MARCHF3: variants seen among roughly 807,000 people sequenced by gnomAD.
MARCHF3 encodes E3 ubiquitin-protein ligase MARCHF3.
Under a neutral mutation model 24.2 loss-of-function variants are expected in MARCHF3, and 13 were observed. The ratio of observed to expected loss-of-function variants is 0.54; its 90% CI spans 0.35 to 0.85. MARCHF3 has a LOEUF of 0.85. MARCHF3 is among the 40% of genes least tolerant of loss of function. The pLI is 0.01. For synonymous variants in MARCHF3, 144 were observed against 137.3 expected (o/e 1.05, Z -0.34); for missense variants, 276 against 325.0 (o/e 0.85, Z 1.16).
At chr5:127,006,040 A>G (rs1269682035) in intron 1 of MARCHF3, among the ~76,000 whole-genome samples, 1 of 151,852 alleles carries the variant, frequency 6.6e-6, no homozygotes, top group Non-Finnish European at 1.5e-5. Context: ...CATCTCTACT[A>G]AGAAATACAA....
chr5:126,899,345 G>A (rs1754028183), intron 3 of MARCHF3: 1 of 979,492 alleles, frequency 1.0e-6, no homozygotes, highest in Non-Finnish European at 1.2e-6. Flanking sequence ...TCCTTTCTGG[G>A]TTGCAAAATA....
chr5:126,994,097 C>A (rs903691086), intron 1 of MARCHF3, among the ~76,000 whole-genome samples: 2 of 152,052 alleles, frequency 1.3e-5, no homozygotes, highest in Admixed American at 1.3e-4. Context: ...TTATAATGAC[C>A]AATATCTGGA....
intron 1 of MARCHF3, among the ~76,000 whole-genome samples, chr5:126,973,720 C>T (rs1243113306): frequency 1.3e-4 from 20 of 152,092 alleles, no homozygotes; most frequent in Admixed American, 2.6e-4. Context: ...GTAAGTTATC[C>T]GTATTAGTAA....
At chr5:126,982,166 G>A (rs769823714) in intron 1 of MARCHF3, among the ~76,000 whole-genome samples, 1 of 152,298 alleles carries the variant, frequency 6.6e-6, no homozygotes, top group African/African-American at 2.4e-5. Context: ...ATTCACTGCT[G>A]TGCTAGAATA....
chr5:126,904,082 C>G (rs1268949283), intron 3 of MARCHF3, among the ~76,000 whole-genome samples: 5 of 150,180 alleles, frequency 3.3e-5, no homozygotes, highest in Non-Finnish European at 7.4e-5. Context: ...TTTGTTCTTG[C>G]GATAGTTTAC....
At chr5:126,957,607 C>G (rs1750493069) in intron 1 of MARCHF3, among the ~76,000 whole-genome samples, 1 of 152,086 alleles carries the variant, frequency 6.6e-6, no homozygotes, top group African/African-American at 2.4e-5. Flanking sequence ...TATATGTCAT[C>G]TTTATCTGTA....
chr5:126,899,383 G>T, intron 3 of MARCHF3: 1 of 862,866 alleles, frequency 1.2e-6, no homozygotes, highest in Non-Finnish European at 1.4e-6. Context: ...TTATCTTGAT[G>T]GTAGTTTTAA....
chr5:126,915,184 C>T (rs1754684106), intron 2 of MARCHF3, 50 bp from the exon 3 acceptor site: 9 of 1,579,238 alleles, frequency 5.7e-6, no homozygotes, highest in South Asian at 2.3e-5. Flanking sequence ...GAAACCTCCA[C>T]CAAGTGGATG....
At chr5:126,892,373 CAAAGGGAATGCTTCCAGTTTTT>C (rs1182082141) in intron 3 of MARCHF3, among the ~76,000 whole-genome samples, 1 of 149,152 alleles carries the variant, frequency 6.7e-6, no homozygotes, top group African/African-American at 2.5e-5. Flanking sequence ...TGCCAGTTTT[CAAAGGGAATGCTTCCAGTTTTT>C]GCCCATTCAG....
chr5:126,925,319 A>G (rs1362133116), intron 1 of MARCHF3, among the ~76,000 whole-genome samples: 9 of 152,222 alleles, frequency 5.9e-5, no homozygotes, highest in African/African-American at 1.9e-4. Context: ...AGTTATATTC[A>G]GAGTTACTTA....
rs1024666259 is a variant in MARCHF3 at position 126,869,235 on chromosome 5, G to T, written c.*1398C>A. On this transcript the variant is annotated 3_prime_UTR_variant, in exon 5 of 5. Coordinates refer to ENST00000308660, the MANE Select transcript of MARCHF3 (RefSeq NM_178450.5). ...AAGGCAGATGCTGGAGTGATACTCA[G>T]AATGTGGGTCATGTTCTAGAATTCC... 6.6e-6 allele frequency: 1 copy of T among 152,230 alleles called. No individual in the cohort carries two copies. The highest frequency in any genetic ancestry group is 2.4e-5 in the African/African-American group (1 of 41,452). The allele number at this position is 152,230 out of a possible 1,614,324, so 9.4% of individuals were successfully genotyped here. A position where few individuals can be genotyped will look rare whatever the true frequency, so the allele number is the denominator to read the frequency against.
chr5:126,895,909 G>T (rs1306795900), intron 3 of MARCHF3, among the ~76,000 whole-genome samples: 1 of 152,114 alleles, frequency 6.6e-6, no homozygotes, highest in Non-Finnish European at 1.5e-5. Flanking sequence ...CCCTCCCCCA[G>T]CCTTGCTGTG....
chr5:126,874,728 C>A (rs575522621), intron 4 of MARCHF3, among the ~76,000 whole-genome samples: 1 of 152,128 alleles, frequency 6.6e-6, no homozygotes, highest in Admixed American at 6.5e-5. Context: ...AGCAATGTGC[C>A]CAGCTCACCT....
chr5:127,011,794 T>C (rs2126857670), intron 1 of MARCHF3, among the ~76,000 whole-genome samples: 2 of 152,344 alleles, frequency 1.3e-5, no homozygotes, highest in Middle Eastern at 3.4e-3. Context: ...TGACTGTATA[T>C]AGTTGATTAT....
intron 3 of MARCHF3, among the ~76,000 whole-genome samples, chr5:126,884,036 G>C (rs1031377792): frequency 7.9e-5 from 12 of 152,206 alleles, no homozygotes; most frequent in African/African-American, 2.9e-4. Context: ...ACACTTGGCA[G>C]AGTTATTAAC....
rs546997646 is a variant in MARCHF3, at chr5:126,960,859, A to G, written c.-56-42632T>C. ...CTGGCTTATTTCACCTGACTCCTTA[A>G]CCCTTATGAAACTCTGATTGTTCAT... On this transcript the variant is annotated intron_variant, in intron 1 of 4. Coordinates refer to ENST00000308660, the MANE Select transcript of MARCHF3 (RefSeq NM_178450.5). Among the ~76,000 whole-genome samples, 129 of 152,134 alleles carry G rather than the reference A, an allele frequency of 8.5e-4. 1 individual carries two copies. Among genetic ancestry groups the G allele is most frequent in the Non-Finnish European group, 1.5e-4 (10 of 67,950 alleles).
chr5:126,963,260 A>T (rs892301897), intron 1 of MARCHF3, among the ~76,000 whole-genome samples: 3 of 152,220 alleles, frequency 2.0e-5, no homozygotes, highest in Non-Finnish European at 2.9e-5. Context: ...ATTGTTACAA[A>T]AATATTTTTG....
chr5:126,885,727 C>T (rs1455354769), intron 3 of MARCHF3, among the ~76,000 whole-genome samples: 2 of 152,178 alleles, frequency 1.3e-5, no homozygotes, highest in East Asian at 3.9e-4. Flanking sequence ...GGCATATAAA[C>T]ATCAAATTGT....
At chr5:126,893,488 T>C (rs1329638039) in intron 3 of MARCHF3, among the ~76,000 whole-genome samples, 1 of 151,928 alleles carries the variant, frequency 6.6e-6, no homozygotes, top group Non-Finnish European at 1.5e-5. Context: ...TGGTATGTTG[T>C]GTCTTTGTTG....
Sources: gnomAD v4.1 joint callset for allele counts (sites outside exome capture counted in the v4.1 genomes callset) on GRCh38, gnomAD v4.1.1 for gene constraint, MANE v1.5 for transcripts, NCBI Gene and HGNC (gene_info 2026-07-23, HGNC 2026-07-21) for gene names.